Variants in TRAPPC11 observed in about 807,000 individuals in gnomAD.
TRAPPC11 encodes the protein trafficking protein particle complex subunit 11.
TRAPPC11 carries 104 observed loss-of-function variants against 151.2 expected under a neutral mutation model. That is an observed-to-expected ratio of 0.69 (90% CI 0.59 to 0.81). The LOEUF (loss-of-function observed/expected upper bound fraction) is 0.81. Ranked by LOEUF, TRAPPC11 falls within the 30% of genes least tolerant of loss-of-function variation. The pLI is 0.00. For synonymous variants in TRAPPC11, 456 were observed against 472.3 expected (o/e 0.97, Z 0.45); for missense variants, 1,230 against 1,349.6 (o/e 0.91, Z 1.39).
intron 25 of TRAPPC11, among the ~76,000 whole-genome samples, chr4:183,699,859 C>T (rs1579216845): frequency 6.6e-6 from 1 of 151,696 alleles, no homozygotes; most frequent in Non-Finnish European, 1.5e-5. Context: ...GACAGAGTCT[C>T]TGTCACCCAG....
At position 183,712,710 on chromosome 4, in the gene TRAPPC11, G is replaced by T; in HGVS notation, c.*66G>T. On this transcript the variant is annotated 3_prime_UTR_variant, in exon 30 of 30. Coordinates refer to ENST00000334690, the MANE Select transcript of TRAPPC11 (RefSeq NM_021942.6). Reference sequence around the variant, plus strand: ...GGCAGAGCTATGCAGGTGTTTCATTGTGAACTCTAGCTTTGATCATGGTAA... The same window carrying T: ...GGCAGAGCTATGCAGGTGTTTCATTTTGAACTCTAGCTTTGATCATGGTAA... 3 of 1,494,578 alleles carry T rather than the reference G, an allele frequency of 2.0e-6. No individual in the cohort carries two copies. Among genetic ancestry groups the T allele is most frequent in the Middle Eastern group, 1.7e-4 (1 of 5,824 alleles). 92.6% of individuals were successfully genotyped at this position (1,494,578 alleles called of 1,614,324 possible).
chr4:183,678,007 C>T (rs1470110398), intron 8 of TRAPPC11, among the ~76,000 whole-genome samples: 8 of 148,366 alleles, frequency 5.4e-5, no homozygotes, highest in South Asian at 2.1e-4. Flanking sequence ...GGTGGGATCT[C>T]GGCTCACTGG....
intron 18 of TRAPPC11, among the ~76,000 whole-genome samples, chr4:183,689,981 T>G (rs1579199590): frequency 6.6e-6 from 1 of 152,224 alleles, no homozygotes; most frequent in South Asian, 2.1e-4. Flanking sequence ...GGTGGGCGGA[T>G]CACTGGAGGT....
intron 1 of TRAPPC11, among the ~76,000 whole-genome samples, chr4:183,661,462 C>T (rs188063017): frequency 0.012 from 1,779 of 148,862 alleles, 34 homozygotes; most frequent in African/African-American, 0.042. Flanking sequence ...AGCTCCGCCT[C>T]CCGGGTTCAC....
rs111607180 is a variant in TRAPPC11 at position 183,665,246 on chromosome 4, C to A, written c.205-1011C>A. Among the ~76,000 whole-genome samples, 4 of 152,050 alleles carry A rather than the reference C, an allele frequency of 2.6e-5. No individual in the cohort carries two copies. In the South Asian group the frequency reaches 8.3e-4, roughly 32 times the overall value. On this transcript the variant is annotated intron_variant, in intron 2 of 29. Coordinates refer to ENST00000334690, the MANE Select transcript of TRAPPC11 (RefSeq NM_021942.6). ...AGTGGCTGGGACTACAGGCGCCCGCCACCACGTCCAGCTAATTTTCTGTAT... is the reference window on the plus strand; with the variant it reads ...AGTGGCTGGGACTACAGGCGCCCGCAACCACGTCCAGCTAATTTTCTGTAT...
chr4:183,692,398 A>G (rs926671387), intron 19 of TRAPPC11, among the ~76,000 whole-genome samples: 2 of 151,794 alleles, frequency 1.3e-5, no homozygotes, highest in African/African-American at 4.8e-5. Flanking sequence ...CATGATTTTG[A>G]CTAAATGCCC....
At chr4:183,692,939 C>T (rs1054169410) in intron 19 of TRAPPC11, 21 bp from the exon 20 acceptor site, 2 of 1,584,288 alleles carry the variant, frequency 1.3e-6, no homozygotes, top group African/African-American at 2.7e-5. Flanking sequence ...ACATTTCCAA[C>T]ATCCTTTTTT....
In TRAPPC11 at chr4:183,663,945, T is replaced by C. The variant is rs1734702644; in HGVS notation, c.78T>C (p.Asp26=). Residue 26 remains aspartate, a synonymous_variant, in exon 2 of 30, where the codon GAT becomes GAC. Transcript: ENST00000334690. The part of the protein sequence containing the change: ...PMAFVTLTGL[D]VVYNAVHRAV... ...CCTTTGTTACTCTAACGGGCCTGGA[T>C]GTAGTTTATAATGCAGTCCATCGAG... 3.1e-6 allele frequency: 5 copies of C among 1,614,116 alleles called. No individual in the cohort carries two copies. The East Asian group carries it at 1.1e-4, about 36-fold the overall frequency.
rs765661866 is a variant in TRAPPC11, at chr4:183,708,400, G to T, written c.3190-7G>T. 9.3e-6 allele frequency: 15 copies of T among 1,607,406 alleles called. No individual in the cohort carries two copies. On this transcript the variant is annotated splice_polypyrimidine_tract_variant and splice_region_variant and intron_variant, in intron 28 of 29. Coordinates refer to ENST00000334690, the MANE Select transcript of TRAPPC11 (RefSeq NM_021942.6). ...ATTATCTTTCTCTGTGACTTTTTAT[G>T]ATGCAGATTCGATTACGTATCCTCC... is the stretch of plus-strand genomic sequence containing the variant.
chr4:183,677,998 G>A (rs1735497197), intron 8 of TRAPPC11, among the ~76,000 whole-genome samples: 1 of 151,520 alleles, frequency 6.6e-6, no homozygotes, highest in African/African-American at 2.4e-5. Flanking sequence ...GAGTGCAGTG[G>A]TGGGATCTCG....
chr4:183,659,796 C>T (rs755952330), intron 1 of TRAPPC11, among the ~76,000 whole-genome samples: 17 of 152,232 alleles, frequency 1.1e-4, no homozygotes, highest in Non-Finnish European at 4.4e-5. Context: ...TTCGTCCCCA[C>T]ACTGTCGTTC....
chr4:183,698,828 G>A (rs746849657), intron 25 of TRAPPC11, among the ~76,000 whole-genome samples: 1 of 152,110 alleles, frequency 6.6e-6, no homozygotes, highest in African/African-American at 2.4e-5. Context: ...TGGTTGTAAG[G>A]GTTGTTGTAC....
intron 11 of TRAPPC11, among the ~76,000 whole-genome samples, chr4:183,683,656 G>A (rs56800979): frequency 0.29 from 43,914 of 151,974 alleles, 6,662 homozygotes; most frequent in African/African-American, 0.38. Flanking sequence ...GTGAGATCCC[G>A]TCTCAAAAAA....
At chr4:183,691,694 G>A (rs2111061608) in intron 19 of TRAPPC11, among the ~76,000 whole-genome samples, 1 of 152,132 alleles carries the variant, frequency 6.6e-6, no homozygotes, top group African/African-American at 2.4e-5. Context: ...AGAATATACT[G>A]TACATAATAA....
chr4:183,674,420 CAAAA>C (rs34161415), intron 5 of TRAPPC11, among the ~76,000 whole-genome samples: 3 of 40,000 alleles, frequency 7.5e-5, no homozygotes, highest in Non-Finnish European at 1.1e-4. Context: ...GACCCTGTCT[CAAAA>C]AAAAAAAAAA....
At chr4:183,674,090 G>T (rs1735289745) in intron 5 of TRAPPC11, among the ~76,000 whole-genome samples, 1 of 151,834 alleles carries the variant, frequency 6.6e-6, no homozygotes, top group South Asian at 2.1e-4. Context: ...AAATAGTAGG[G>T]GCGAATGTGC....
chr4:183,660,818 A>G (rs6858540), intron 1 of TRAPPC11, among the ~76,000 whole-genome samples: 128,382 of 151,718 alleles, frequency 0.85, 54,748 homozygotes, highest in East Asian at 0.93. Context: ...GGTTCAAGCC[A>G]TTCTCCTGCC....
intron 29 of TRAPPC11, among the ~76,000 whole-genome samples, chr4:183,710,453 A>AT (rs1313067260): frequency 1.3e-5 from 2 of 151,368 alleles, no homozygotes; most frequent in African/African-American, 4.9e-5. Flanking sequence ...CGCCTGGCTA[A>AT]TTTTTTGTAT....
chr4:183,690,048 C>A (rs111626457), intron 18 of TRAPPC11, among the ~76,000 whole-genome samples: 3 of 152,024 alleles, frequency 2.0e-5, no homozygotes, highest in African/African-American at 7.2e-5. Flanking sequence ...ACTAAAAACC[C>A]AAAAATTAGC....
Sources: allele counts gnomAD v4.1 joint callset (sites outside exome capture counted in the v4.1 genomes callset), GRCh38; gene constraint gnomAD v4.1.1; transcripts MANE v1.5; gene names NCBI Gene and HGNC (gene_info 2026-07-23, HGNC 2026-07-21).